Variants in FAT3 observed in about 807,000 individuals in gnomAD.
FAT3 encodes the protein protocadherin Fat 3.
FAT3 carries 95 observed loss-of-function variants against 310.2 expected under a neutral mutation model. That is an observed-to-expected ratio of 0.31 (90% CI 0.26 to 0.36). FAT3 has a LOEUF of 0.36. Among genes scored for constraint, FAT3 ranks in the 10% least tolerant of loss-of-function variants. The pLI is 1.00. For synonymous variants in FAT3, 2,314 were observed against 2,192.9 expected (o/e 1.06, Z -1.54); for missense variants, 5,408 against 5,715.6 (o/e 0.95, Z 1.74).
At chr11:92,837,917 C>T in intron 17 of FAT3, 111 bp downstream of exon 17, 2 of 1,307,892 alleles carry the variant, frequency 1.5e-6, no homozygotes, top group Non-Finnish European at 2.2e-6. Flanking sequence ...TCATCTCATC[C>T]CTTCATAGGG....
At chr11:92,273,434 G>A (rs895853041) in intron 1 of FAT3, among the ~76,000 whole-genome samples, 1 of 152,060 alleles carries the variant, frequency 6.6e-6, no homozygotes, top group Non-Finnish European at 1.5e-5. Context: ...AAGATCTTGG[G>A]TATTTTAGGA....
Position 92,798,231 on chromosome 11 carries a change from A to T in FAT3, c.5218A>T (p.Ile1740Phe), listed in dbSNP as rs766139542. The T allele has an allele frequency of 3.1e-6, 5 of 1,613,738 alleles. No individual in the cohort carries two copies. In the East Asian group the frequency reaches 1.1e-4, roughly 36 times the overall value. Residue 1740 changes from isoleucine (I) to phenylalanine (F), a missense_variant, in exon 10 of 28, where the codon ATC (isoleucine) becomes TTC (phenylalanine). Coordinates refer to ENST00000525166, the MANE Select transcript of FAT3 (RefSeq NM_001367949.2). ...DYERTSSYQL[I>F]IQATNMAGMA... The stretch of plus-strand genomic sequence containing the variant: ...TGAGCGCACATCCTCTTATCAACTC[A>T]TCATTCAGGCCACCAATATGGCAGG...
Position 92,354,799 on chromosome 11 carries a change from C to A in FAT3, c.2687C>A (p.Ser896Tyr). Residue 896 changes from serine (S) to tyrosine (Y), a missense_variant, in exon 2 of 28, where the codon TCC becomes TAC. Physicochemically the swap from Ser to Tyr is moderately radical, Grantham distance 144 (BLOSUM62 -2). Around this residue, in one of 5 missense-constraint regions of FAT3, gnomAD observed 4,588 missense variants for 4,809.8 expected, o/e 0.95. Transcript: ENST00000525166. ...VYVADQLDRE[S>Y]KANYSLKIEA... ...GTAGCCGACCAGTTGGACCGGGAAT[C>A]CAAAGCCAATTATTCTTTGAAAATA... 6.2e-7 allele frequency: 1 copy of A among 1,613,896 alleles called. No homozygotes were observed. Among genetic ancestry groups the A allele is most frequent in the Non-Finnish European group, 8.5e-7 (1 of 1,179,864 alleles).
intron 3 of FAT3, among the ~76,000 whole-genome samples, chr11:92,669,675 G>A (rs978059586): frequency 6.6e-6 from 1 of 152,194 alleles, no homozygotes. Flanking sequence ...CAGAGGTGGG[G>A]TGGTAATTAA....
At chr11:92,582,148 A>G (rs111737222) in intron 3 of FAT3, among the ~76,000 whole-genome samples, 198 of 151,354 alleles carry the variant, frequency 1.3e-3, no homozygotes, top group African/African-American at 4.6e-3. Flanking sequence ...AGTGAGGACA[A>G]CTAGAGGTCA....
Position 92,890,670 on chromosome 11 carries a change from G to GTCCT in FAT3, c.13327_13328insTCCT (p.Glu4443ValfsTer23). 6.2e-7 allele frequency: 1 copy of GTCCT among 1,613,776 alleles called. No homozygotes were observed. Among genetic ancestry groups the GTCCT allele is most frequent in the Non-Finnish European group, 8.5e-7 (1 of 1,179,846 alleles). On this transcript the variant is annotated frameshift_variant, in exon 28 of 28. Coordinates refer to ENST00000525166, the MANE Select transcript of FAT3 (RefSeq NM_001367949.2). LOFTEE classifies it high-confidence loss of function. ...CAGTGAATACCCACCCCCTCATGAA[G>GTCCT]AGGAGTTCTTGAGTCAGGACCAGCT...
At chr11:92,441,064 G>T (rs558791066) in intron 2 of FAT3, among the ~76,000 whole-genome samples, 1 of 152,334 alleles carries the variant, frequency 6.6e-6, no homozygotes, top group Non-Finnish European at 1.5e-5. Flanking sequence ...TGTATTGCAT[G>T]TTAAACAGAG....
chr11:92,839,968 A>C (rs1235289338), intron 17 of FAT3, among the ~76,000 whole-genome samples: 1 of 152,212 alleles, frequency 6.6e-6, no homozygotes, highest in Admixed American at 6.5e-5. Flanking sequence ...AAATGGAGGA[A>C]TGTTTTACCC....
At chr11:92,685,275 A>G (rs953170281) in intron 3 of FAT3, among the ~76,000 whole-genome samples, 2 of 152,188 alleles carry the variant, frequency 1.3e-5, no homozygotes, top group Non-Finnish European at 2.9e-5. Flanking sequence ...AGCACTGGCA[A>G]TCTGCCATTT....
chr11:92,332,155 G>T (rs1947938813), intron 1 of FAT3, among the ~76,000 whole-genome samples: 1 of 152,316 alleles, frequency 6.6e-6, no homozygotes, highest in East Asian at 1.9e-4. Context: ...CTTGTGCTTT[G>T]TTCACCCTGT....
chr11:92,692,962 G>T (rs1943838307), intron 3 of FAT3, among the ~76,000 whole-genome samples: 1 of 152,212 alleles, frequency 6.6e-6, no homozygotes, highest in Non-Finnish European at 1.5e-5. Context: ...TCAGGGAAAA[G>T]AAGTCATCCT....
At chr11:92,571,392 G>T (rs1955659427) in intron 3 of FAT3, among the ~76,000 whole-genome samples, 1 of 152,162 alleles carries the variant, frequency 6.6e-6, no homozygotes, top group South Asian at 2.1e-4. Flanking sequence ...TTAGTGACAA[G>T]CAGCAGCTAT....
chr11:92,856,398 A>G (rs930434172), intron 19 of FAT3, among the ~76,000 whole-genome samples: 9 of 152,218 alleles, frequency 5.9e-5, no homozygotes, highest in Admixed American at 2.6e-4. Context: ...GCCTAATTAC[A>G]TGTGAAATAC....
chr11:92,678,326 G>A (rs1943356208), intron 3 of FAT3, among the ~76,000 whole-genome samples: 1 of 152,168 alleles, frequency 6.6e-6, no homozygotes, highest in African/African-American at 2.4e-5. Flanking sequence ...AAAGGGAGTA[G>A]CCTCTTAGCC....
At chr11:92,276,444 C>T (rs1591041960) in intron 1 of FAT3, among the ~76,000 whole-genome samples, 1 of 152,208 alleles carries the variant, frequency 6.6e-6, no homozygotes, top group East Asian at 1.9e-4. Flanking sequence ...TGACCTTGGC[C>T]TGTGACTTTC....
intron 14 of FAT3, among the ~76,000 whole-genome samples, chr11:92,833,177 G>C (rs536962982): frequency 1.3e-5 from 2 of 152,266 alleles, no homozygotes; most frequent in East Asian, 3.9e-4. Context: ...TTCATAGACT[G>C]TATGGATTTC....
intron 3 of FAT3, among the ~76,000 whole-genome samples, chr11:92,593,251 A>G (rs1203737563): frequency 1.3e-5 from 2 of 152,044 alleles, no homozygotes; most frequent in Non-Finnish European, 1.5e-5. Context: ...ATTATTGTGA[A>G]TAATGCTGCT....
intron 3 of FAT3, among the ~76,000 whole-genome samples, chr11:92,695,561 A>T (rs1943913163): frequency 6.6e-6 from 1 of 152,096 alleles, no homozygotes; most frequent in African/African-American, 2.4e-5. Flanking sequence ...ACACAAAACA[A>T]TACCCTCCTA....
chr11:92,675,980 C>G (rs938637236), intron 3 of FAT3, among the ~76,000 whole-genome samples: 1 of 152,070 alleles, frequency 6.6e-6, no homozygotes, highest in Non-Finnish European at 1.5e-5. Context: ...CATCCTGAGA[C>G]TGTTGACAGG....
Sources: gnomAD v4.1 joint callset for allele counts (sites outside exome capture counted in the v4.1 genomes callset) on GRCh38, gnomAD v4.1.1 for gene constraint, gnomAD v4.1.1 regional missense constraint, MANE v1.5 for transcripts, NCBI Gene and HGNC (gene_info 2026-07-23, HGNC 2026-07-21) for gene names.